TRAPPC3L: variants seen among roughly 807,000 people sequenced by gnomAD.
TRAPPC3L encodes trafficking protein particle complex subunit 3-like protein.
A neutral mutation model predicts 23.7 loss-of-function variants in TRAPPC3L; 23 were observed. The observed-to-expected ratio is 0.97, with a 90% CI of 0.70 to 1.37. The LOEUF (loss-of-function observed/expected upper bound fraction) is 1.37, where lower values mean the gene tolerates loss of function less well. TRAPPC3L is among the 40% of genes most tolerant of loss of function. The probability of loss-of-function intolerance (pLI) is 0.00; values close to 1 mark genes in which losing one functional copy is unlikely to be tolerated. For missense variants in TRAPPC3L, 212 were observed against 216.8 expected (o/e 0.98, Z 0.14); for synonymous variants, 81 against 77.9 (o/e 1.04, Z -0.21).
intron 3 of TRAPPC3L, chr6:116,517,937 G>C (rs1182321197): frequency 6.6e-6 from 1 of 152,220 alleles, no homozygotes; most frequent in Non-Finnish European, 1.5e-5. Flanking sequence ...GGTTCAGAGA[G>C]CTTCTGCATT....
At chr6:116,523,000 A>C (rs943466252) in intron 3 of TRAPPC3L, 3 of 114,012 alleles carry the variant, frequency 2.6e-5, no homozygotes, top group African/African-American at 9.6e-5. Flanking sequence ...GCTGAACTCC[A>C]CCCCCAGGGT....
chr6:116,536,731 G>A lies in TRAPPC3L; in HGVS notation c.240+3632C>T, dbSNP rs527337921. ...ATGATGGTGTTCGGTAGAAGTGTGT[G>A]GTCTGAGAGGGGAGCCAAACAAATT... On this transcript the variant is annotated intron_variant, in intron 3 of 4. Coordinates refer to ENST00000368602, the MANE Select transcript of TRAPPC3L (RefSeq NM_001139444.3). Among the ~76,000 whole-genome samples the A allele has an allele frequency of 4.6e-5, 7 of 152,196 alleles. 1 individual carries two copies. The East Asian group carries it at 1.4e-3, about 29-fold the overall frequency.
chr6:116,514,638 TA>T (rs1772186298), intron 3 of TRAPPC3L, among the ~76,000 whole-genome samples: 1 of 152,172 alleles, frequency 6.6e-6, no homozygotes, highest in Non-Finnish European at 1.5e-5. Flanking sequence ...TAAACCTGAG[TA>T]GTGCCAGTCC....
chr6:116,539,645 C>T (rs1773308643), intron 3 of TRAPPC3L, among the ~76,000 whole-genome samples: 1 of 152,006 alleles, frequency 6.6e-6, no homozygotes, highest in African/African-American at 2.4e-5. Context: ...GCCATTCATG[C>T]ACAGAGTCAG....
chr6:116,542,178 T>C (rs1482896362), intron 2 of TRAPPC3L, among the ~76,000 whole-genome samples: 1 of 152,122 alleles, frequency 6.6e-6, no homozygotes, highest in African/African-American at 2.4e-5. Flanking sequence ...AAAATAACCT[T>C]AACATTCCTC....
chr6:116,501,192 G>C (rs924177480), intron 3 of TRAPPC3L, among the ~76,000 whole-genome samples: 4 of 152,164 alleles, frequency 2.6e-5, no homozygotes, highest in African/African-American at 9.7e-5. Flanking sequence ...ATTCCCTCCC[G>C]AGCCTGTGAC....
chr6:116,522,780 T>C (rs957891650), intron 3 of TRAPPC3L: 2 of 152,144 alleles, frequency 1.3e-5, no homozygotes, highest in Non-Finnish European at 2.9e-5. Context: ...TCTCTCAAAA[T>C]GTTATCTTCA....
intron 3 of TRAPPC3L, among the ~76,000 whole-genome samples, chr6:116,530,292 A>G (rs1325821144): frequency 1.3e-5 from 2 of 152,216 alleles, no homozygotes; most frequent in Non-Finnish European, 2.9e-5. Context: ...GCCCTGGTTT[A>G]AGTTCATTTC....
chr6:116,543,720 C>T, intron 1 of TRAPPC3L: 2 of 1,069,992 alleles, frequency 1.9e-6, no homozygotes, highest in Middle Eastern at 2.0e-4. Flanking sequence ...TAATTTCTAA[C>T]ATAAATTTCT....
At chr6:116,511,083 G>A (rs1187507292) in intron 3 of TRAPPC3L, among the ~76,000 whole-genome samples, 3 of 145,136 alleles carry the variant, frequency 2.1e-5, no homozygotes, top group Non-Finnish European at 4.5e-5. Context: ...GGTGATGGGT[G>A]CACTAAAATC....
chr6:116,517,418 A>C (rs1169114143), intron 3 of TRAPPC3L: 3 of 152,162 alleles, frequency 2.0e-5, no homozygotes, highest in Non-Finnish European at 2.9e-5. Flanking sequence ...TATGTACATA[A>C]ATTCTCCTTA....
chr6:116,542,221 T>C (rs1478420356), intron 2 of TRAPPC3L, among the ~76,000 whole-genome samples: 5 of 152,150 alleles, frequency 3.3e-5, no homozygotes, highest in Non-Finnish European at 7.4e-5. Flanking sequence ...GCTAACAAAG[T>C]GACTGAAAAA....
intron 3 of TRAPPC3L, among the ~76,000 whole-genome samples, chr6:116,513,954 T>C (rs1772173888): frequency 6.6e-6 from 1 of 152,196 alleles, no homozygotes; most frequent in African/African-American, 2.4e-5. Context: ...TTCTCATAGT[T>C]AGTGGTAATA....
intron 3 of TRAPPC3L, among the ~76,000 whole-genome samples, chr6:116,513,552 T>C (rs779467490): frequency 2.0e-5 from 3 of 152,180 alleles, no homozygotes; most frequent in Non-Finnish European, 4.4e-5. Context: ...CATCATGTCA[T>C]AGCTTAGGCT....
chr6:116,534,700 T>C (rs925563928), intron 3 of TRAPPC3L, among the ~76,000 whole-genome samples: 2 of 151,864 alleles, frequency 1.3e-5, no homozygotes, highest in African/African-American at 2.4e-5. Flanking sequence ...TTGCTTCCTA[T>C]GATCATTTCC....
At chr6:116,510,505 CT>C (rs891126207) in intron 3 of TRAPPC3L, among the ~76,000 whole-genome samples, 1 of 151,780 alleles carries the variant, frequency 6.6e-6, no homozygotes, top group African/African-American at 2.4e-5. Context: ...CTAGGCTGGT[CT>C]CGTACTCCTT....
chr6:116,522,444 A>G (rs1772363082), intron 3 of TRAPPC3L: 1 of 152,238 alleles, frequency 6.6e-6, no homozygotes. Context: ...AATTGTATTT[A>G]TACATTTATA....
At chr6:116,515,440 A>G (rs1421677093) in intron 3 of TRAPPC3L, among the ~76,000 whole-genome samples, 1 of 152,206 alleles carries the variant, frequency 6.6e-6, no homozygotes, top group Non-Finnish European at 1.5e-5. Context: ...TAATAAATTC[A>G]AAAAGTGAGT....
Position 116,516,050 on chromosome 6 carries a change from C to T in TRAPPC3L, c.241-15384G>A, listed in dbSNP as rs1020976704. ...CATGCTCATTCTGTGATCCTCCTAA[C>T]GTATCACCAGCAACCTGTGTGTCTC... On this transcript the variant is annotated intron_variant, in intron 3 of 4. Coordinates refer to ENST00000368602, the MANE Select transcript of TRAPPC3L (RefSeq NM_001139444.3). 39 of 1,502,830 alleles carry T rather than the reference C, an allele frequency of 2.6e-5. 1 individual carries two copies. In the African/African-American group the frequency reaches 3.1e-4, roughly 12 times the overall value. The allele number at this position is 1,502,830 out of a possible 1,614,324, so 93.1% of individuals were successfully genotyped here.
Sources: gnomAD v4.1 joint callset for allele counts (sites outside exome capture counted in the v4.1 genomes callset) on GRCh38, gnomAD v4.1.1 for gene constraint, MANE v1.5 for transcripts, NCBI Gene and HGNC (gene_info 2026-07-23, HGNC 2026-07-21) for gene names.